BAHD1: variants seen among roughly 807,000 people sequenced by gnomAD.
BAHD1 encodes the protein bromo adjacent homology domain-containing 1 protein.
Under a neutral mutation model 63.1 loss-of-function variants are expected in BAHD1, and 20 were observed. The observed-to-expected ratio is 0.32, with a 90% CI of 0.22 to 0.46. The LOEUF (loss-of-function observed/expected upper bound fraction) is 0.46. Among genes scored for constraint, BAHD1 ranks in the 20% least tolerant of loss-of-function variants. The pLI is 1.00. For missense variants in BAHD1, 939 were observed against 1,071.8 expected, an observed-to-expected ratio of 0.88 and a Z score of 1.73; for synonymous variants, 408 against 426.8, an observed-to-expected ratio of 0.96 and a Z score of 0.54.
chr15:40,443,286 C>G lies in BAHD1; in HGVS notation c.-15+2018C>G. The G allele has an allele frequency of 2.0e-6, 2 of 985,412 alleles. 1 individual carries two copies. The highest frequency in any genetic ancestry group is 9.4e-5 in the South Asian group (2 of 21,290). The allele number at this position is 985,412 out of a possible 1,614,324, so 61.0% of individuals were successfully genotyped here. A position where few individuals can be genotyped will look rare whatever the true frequency, so the allele number is the denominator to read the frequency against. On this transcript the variant is annotated intron_variant, in intron 1 of 6. Transcript: ENST00000416165. The stretch of plus-strand genomic sequence containing the variant: ...CCCCCATGGACCTCCCTGGAATGAT[C>G]TAGACCCCAGCCTGGATGGAGCTGA...
Position 40,458,933 on chromosome 15 carries a change from C to A in BAHD1, c.469C>A (p.Arg157Ser). ...RAGDPHRSRDRDRATGGWSSS... is the reference protein window; with the variant it reads ...RAGDPHRSRDSDRATGGWSSS... ...AGGGGATCCCCACCGCAGCCGTGACCGTGATCGTGCTACTGGGGGCTGGTC... is the reference window on the plus strand; with the variant it reads ...AGGGGATCCCCACCGCAGCCGTGACAGTGATCGTGCTACTGGGGGCTGGTC... Residue 157 changes from arginine to serine, a missense_variant, in exon 2 of 7, where the codon CGT becomes AGT. This residue lies in a region of BAHD1 where 797 missense variants were observed against 813.3 expected (regional missense o/e 0.98). Transcript: ENST00000416165. This position sits in a 1 kb window ranked among gnomAD's most constrained non-coding sequence, Gnocchi z 4.7. The A allele has an allele frequency of 1.9e-6, 3 of 1,594,768 alleles. No individual in the cohort carries two copies. Among genetic ancestry groups the A allele is most frequent in the Non-Finnish European group, 1.7e-6 (2 of 1,169,442 alleles).
In BAHD1 at chr15:40,465,900, A is replaced by T. The variant is rs773770491; in HGVS notation, c.2154-41A>T. 6.4e-5 allele frequency: 98 copies of T among 1,527,586 alleles called. No individual in the cohort carries two copies. In the Middle Eastern group the frequency reaches 8.9e-4, roughly 14 times the overall value. The allele number at this position is 1,527,586 out of a possible 1,614,324, so 94.6% of individuals were successfully genotyped here. A position where few individuals can be genotyped will look rare whatever the true frequency, so the allele number is the denominator to read the frequency against. The stretch of plus-strand genomic sequence containing the variant: ...AGGGAAGGAATTGGTCTTCCTGCAA[A>T]AGTGGCTGGAGTAAAGACAGTGAAT... On this transcript the variant is annotated intron_variant, in intron 6 of 6. Transcript: ENST00000416165.
Position 40,466,909 on chromosome 15 carries a change from TGGGG to T in BAHD1, c.*781_*784del, listed in dbSNP as rs1312230885. On this transcript the variant is annotated 3_prime_UTR_variant, in exon 7 of 7. Transcript: ENST00000416165. ...GGGAAGATGGGTGCTGGGAGAGGGT[TGGGG>T]GCAGGGGGCAAGGAAAATTGCTACC... 1.3e-5 allele frequency: 2 copies of T among 152,398 alleles called. No individual in the cohort carries two copies. The allele number at this position is 152,398 out of a possible 1,614,324, so 9.4% of individuals were successfully genotyped here.
At chr15:40,447,611 T>A (rs150367137) in intron 1 of BAHD1, among the ~76,000 whole-genome samples, 71 of 144,138 alleles carry the variant, frequency 4.9e-4, no homozygotes, top group East Asian at 8.2e-4. Flanking sequence ...AATAAATAAA[T>A]AAAAATAAAA....
At chr15:40,445,188 C>CA (rs1401551571) in intron 1 of BAHD1, among the ~76,000 whole-genome samples, 3 of 135,250 alleles carry the variant, frequency 2.2e-5, no homozygotes, top group Non-Finnish European at 4.6e-5. Flanking sequence ...TATCAAGAAA[C>CA]AGAGAAAATT....
chr15:40,462,143 G>C lies in BAHD1; in HGVS notation c.1664G>C (p.Cys555Ser), dbSNP rs973634298. The C allele has an allele frequency of 1.9e-6, 3 of 1,612,138 alleles. No homozygotes were observed. In the Admixed American group the frequency reaches 5.0e-5, roughly 27 times the overall value. ...TCAGGTCTGCGCACAGGCTCCAGCT[G>C]CAGGCACACTGCAAGGAGCAAGGCT... ...SKSGLRTGSS[C>S]RHTARSKAAR... Residue 555 changes from cysteine (C) to serine (S), a missense_variant, in exon 3 of 7, where the codon TGC becomes TCC. By Grantham distance (112) the Cys-to-Ser change is moderately radical (BLOSUM62 -1). Transcript: ENST00000416165.
In BAHD1 at chr15:40,459,758, C is replaced by G. The variant is rs768122732; in HGVS notation, c.1294C>G (p.Pro432Ala). 1 of 1,613,888 alleles carries G rather than the reference C, an allele frequency of 6.2e-7. No homozygotes were observed. The highest frequency in any genetic ancestry group is 1.7e-5 in the Admixed American group (1 of 60,006). The change falls in exon 2 of 7, where the codon CCC (proline) becomes GCC (alanine). Residue 432 changes from proline (P) to alanine (A), a missense_variant. Transcript: ENST00000416165. ...CTCAGGCACCCCTTTCCAGCACCCT[C>G]CCTGGGGCTCCTCTCGCTACTGCTC... Reference protein sequence around the residue: ...VPSGTPFQHPPWGSSRYCSSE... With the variant: ...VPSGTPFQHPAWGSSRYCSSE...
chr15:40,455,026 T>C (rs142152716), intron 1 of BAHD1, among the ~76,000 whole-genome samples: 1 of 152,302 alleles, frequency 6.6e-6, no homozygotes, highest in East Asian at 1.9e-4. Context: ...AAAGCATGAC[T>C]CACACATGCT....
intron 1 of BAHD1, among the ~76,000 whole-genome samples, chr15:40,451,519 G>T (rs1310563306): frequency 6.6e-6 from 1 of 152,256 alleles, no homozygotes; most frequent in Non-Finnish European, 1.5e-5. Flanking sequence ...TTGAGAACCT[G>T]CTGTATTCCA....
In BAHD1 at chr15:40,465,876, G is replaced by A. The variant is rs1894185007; in HGVS notation, c.2154-65G>A. On this transcript the variant is annotated intron_variant, in intron 6 of 6. Coordinates refer to ENST00000416165, the MANE Select transcript of BAHD1 (RefSeq NM_014952.5). ...TCTCTGGGTCGGGTAGGGTAGGGTAGGGAAGGAATTGGTCTTCCTGCAAAA... is the reference window on the plus strand; with the variant it reads ...TCTCTGGGTCGGGTAGGGTAGGGTAAGGAAGGAATTGGTCTTCCTGCAAAA... 2.9e-5 allele frequency: 44 copies of A among 1,497,382 alleles called. 2 individuals are homozygous for A. In the South Asian group the frequency reaches 5.3e-4, roughly 18 times the overall value. The allele number at this position is 1,497,382 out of a possible 1,614,324, so 92.8% of individuals were successfully genotyped here.
rs755543870 is a variant in BAHD1, at chr15:40,459,044, C to T, written c.580C>T (p.Arg194Cys). ...AGAGCCAGCACCCGATGAAGGTCCC[C>T]GCCGAGATGGAGACCCAGCTCCCAA... ...SPEPAPDEGP[R>C]RDGDPAPKRL... is the part of the protein sequence containing the mutation. Residue 194 changes from arginine (R) to cysteine (C), a missense_variant, in exon 2 of 7, where the codon CGC (arginine) becomes TGC (cysteine). Around this residue, in one of 5 missense-constraint regions of BAHD1, gnomAD observed 797 missense variants for 813.3 expected, o/e 0.98. Coordinates refer to ENST00000416165, the MANE Select transcript of BAHD1 (RefSeq NM_014952.5). 46 of 1,606,072 alleles carry T rather than the reference C, an allele frequency of 2.9e-5. No homozygotes were observed. The highest frequency in any genetic ancestry group is 5.4e-5 in the African/African-American group (4 of 74,736).
intron 3 of BAHD1, among the ~76,000 whole-genome samples, chr15:40,462,864 A>C (rs2141545135): frequency 6.6e-6 from 1 of 152,278 alleles, no homozygotes; most frequent in East Asian, 1.9e-4. Context: ...GGTGGTGTGC[A>C]CCAGGAGGCT....
At position 40,466,941 on chromosome 15, in the gene BAHD1, A is replaced by G. The variant is rs1894228670; in HGVS notation, c.*811A>G. On this transcript the variant is annotated 3_prime_UTR_variant, in exon 7 of 7. Transcript: ENST00000416165. ...AGGGGGCAAGGAAAATTGCTACCTG[A>G]TTTGTTGAAGATTTTTCCTCTTGCC... is the stretch of plus-strand genomic sequence containing the variant. The G allele has an allele frequency of 6.6e-6, 1 of 152,386 alleles. No homozygotes were observed. Among genetic ancestry groups the G allele is most frequent in the South Asian group, 2.1e-4 (1 of 4,812 alleles). 9.4% of individuals were successfully genotyped at this position (152,386 alleles called of 1,614,324 possible).
rs61741848 is a variant in BAHD1 at position 40,466,031 on chromosome 15, C to G, written c.2244C>G (p.Pro748=). ...CCTCTGCAGACTATTCCACCCCACC[C>G]CACCGCACAGTGCCAGAGGACACGG... The part of the protein sequence containing the change: ...VPPSADYSTP[P]HRTVPEDTDP... The change falls in exon 7 of 7, where the codon CCC becomes CCG. Residue 748 remains proline (P), a synonymous_variant. Transcript: ENST00000416165. 6.2e-7 allele frequency: 1 copy of G among 1,614,122 alleles called. No individual in the cohort carries two copies. Among genetic ancestry groups the G allele is most frequent in the Non-Finnish European group, 8.5e-7 (1 of 1,179,952 alleles).
Position 40,458,199 on chromosome 15 carries a change from CA to C in BAHD1, c.-14-251del, listed in dbSNP as rs1893905242. On this transcript the variant is annotated intron_variant, in intron 1 of 6. Coordinates refer to ENST00000416165, the MANE Select transcript of BAHD1 (RefSeq NM_014952.5). This position sits in a 1 kb window ranked among gnomAD's most constrained non-coding sequence, Gnocchi z 4.7. ...GGTCTGCCTTGCTCCCTAGGCTCTT[CA>C]GGGGCTTAGTTCAGAGATACCCTAG... Among the ~76,000 whole-genome samples, 1 of 152,112 alleles carries C rather than the reference CA, an allele frequency of 6.6e-6. No homozygotes were observed. The highest frequency in any genetic ancestry group is 2.4e-5 in the African/African-American group (1 of 41,402).
chr15:40,442,073 G>C (rs1180992381), intron 1 of BAHD1, among the ~76,000 whole-genome samples: 1 of 152,146 alleles, frequency 6.6e-6, no homozygotes, highest in Non-Finnish European at 1.5e-5. Context: ...AAGTGACAGC[G>C]GGACCCTGTG....
In BAHD1 at chr15:40,464,500, T is replaced by C; in HGVS notation, c.2005T>C (p.Tyr669His). The change falls in exon 5 of 7, where the codon TAC becomes CAC. Residue 669 changes from tyrosine to histidine, a missense_variant. Tyr to His is a moderately conservative substitution (Grantham distance 83). Coordinates refer to ENST00000416165, the MANE Select transcript of BAHD1 (RefSeq NM_014952.5). ...GELMMSLLWY[Y>H]RPEHLQGGRS... ...GCTGATGATGAGCCTCCTGTGGTAT[T>C]ACAGACCTGAGCACTTACAGGGAGG... 6.2e-7 allele frequency: 1 copy of C among 1,613,662 alleles called. No individual in the cohort carries two copies. Among genetic ancestry groups the C allele is most frequent in the Non-Finnish European group, 8.5e-7 (1 of 1,179,856 alleles).
intron 2 of BAHD1, among the ~76,000 whole-genome samples, chr15:40,460,878 T>C (rs931350589): frequency 6.6e-6 from 1 of 152,222 alleles, no homozygotes; most frequent in Non-Finnish European, 1.5e-5. Context: ...AGAGTTCTTA[T>C]GACATGAGAA....
In BAHD1 at chr15:40,457,775, C is replaced by T. The variant is rs141234182; in HGVS notation, c.-14-676C>T. 5.8e-3 allele frequency among the ~76,000 whole-genome samples: 885 copies of T among 152,248 alleles called. 10 individuals carry two copies. Among genetic ancestry groups the T allele is most frequent in the African/African-American group, 0.02 (843 of 41,542 alleles). On this transcript the variant is annotated intron_variant, in intron 1 of 6. Coordinates refer to ENST00000416165, the MANE Select transcript of BAHD1 (RefSeq NM_014952.5). ...CTGTAATCCCAGCACTGTGGGAGGCCGAGGCGGGCAGATCACGAGGTCAGG... is the reference window on the plus strand; with the variant it reads ...CTGTAATCCCAGCACTGTGGGAGGCTGAGGCGGGCAGATCACGAGGTCAGG...
Sources: allele counts gnomAD v4.1 joint callset (sites outside exome capture counted in the v4.1 genomes callset), GRCh38; gene constraint gnomAD v4.1.1; regional missense constraint gnomAD v4.1.1; non-coding constraint Gnocchi (gnomAD v3.1); transcripts MANE v1.5; gene names NCBI Gene and HGNC (gene_info 2026-07-23, HGNC 2026-07-21).